LINGO2: variants seen among roughly 807,000 people sequenced by gnomAD.
The protein encoded by LINGO2 is leucine rich repeat and Ig domain containing 2.
In LINGO2, 14 loss-of-function variants were observed where a neutral mutation model predicts 30.6. The observed-to-expected ratio is 0.46, with a 90% CI of 0.30 to 0.72. LINGO2 has a LOEUF of 0.72. LINGO2 is among the 30% of genes least tolerant of loss of function. The probability of loss-of-function intolerance (pLI) is 0.07; values close to 1 mark genes in which losing one functional copy is unlikely to be tolerated. For synonymous variants in LINGO2, 317 were observed against 288.5 expected, an observed-to-expected ratio of 1.10 and a Z score of -1.00; for missense variants, 729 against 751.7, an observed-to-expected ratio of 0.97 and a Z score of 0.35.
At chr9:29,138,839 C>G in the LINGO2 span, among the ~76,000 whole-genome samples, 81 of 152,144 alleles carry the variant, frequency 5.3e-4, 1 homozygote, top group Admixed American at 5.2e-3. Flanking sequence ...TAGACAAGTT[C>G]TGTGGTAGAC....
chr9:28,945,327 C>A, the LINGO2 span, among the ~76,000 whole-genome samples: 3 of 152,036 alleles, frequency 2.0e-5, no homozygotes, highest in South Asian at 2.1e-4. Context: ...AAATCAGAAA[C>A]CCTATTATTA....
chr9:28,186,871 C>T (rs1396707154), intron 4 of LINGO2, among the ~76,000 whole-genome samples: 1 of 152,094 alleles, frequency 6.6e-6, no homozygotes, highest in African/African-American at 2.4e-5. Context: ...AGAGAAATAA[C>T]TGGGGACAAA....
At chr9:29,071,484 T>A in the LINGO2 span, among the ~76,000 whole-genome samples, 1 of 20,828 alleles carries the variant, frequency 4.8e-5, no homozygotes, top group Admixed American at 7.2e-4. Flanking sequence ...TAACTGGTCA[T>A]ATATATATAT....
chr9:28,847,996 T>TAC, the LINGO2 span, among the ~76,000 whole-genome samples: 2 of 106,216 alleles, frequency 1.9e-5, no homozygotes, highest in Admixed American at 9.9e-5. Context: ...TATGTATATG[T>TAC]ACATATATAC....
chr9:28,408,651 G>A (rs1025876722), intron 2 of LINGO2, among the ~76,000 whole-genome samples: 4 of 151,408 alleles, frequency 2.6e-5, no homozygotes, highest in African/African-American at 9.7e-5. Flanking sequence ...GATGGCATTA[G>A]GAGATATACC....
intron 2 of LINGO2, among the ~76,000 whole-genome samples, chr9:28,426,676 C>T (rs538765416): frequency 1.3e-5 from 2 of 152,176 alleles, no homozygotes; most frequent in Admixed American, 6.6e-5. Flanking sequence ...CTGAGGTGCA[C>T]ATGGCTTAAA....
At chr9:28,288,253 T>G (rs1823590282) in intron 4 of LINGO2, among the ~76,000 whole-genome samples, 1 of 152,144 alleles carries the variant, frequency 6.6e-6, no homozygotes, top group Admixed American at 6.5e-5. Context: ...TATCACAATT[T>G]CAAGCTTTCC....
chr9:28,794,472 G>C, the LINGO2 span, among the ~76,000 whole-genome samples: 1 of 152,162 alleles, frequency 6.6e-6, no homozygotes, highest in Admixed American at 6.5e-5. Flanking sequence ...GGTTTCCTGA[G>C]TTGAAGACAC....
chr9:28,475,489 G>A lies in LINGO2; in HGVS notation c.-279+451C>T, dbSNP rs557885944. ...AGGGTAATTATGACTATTAATTTTA[G>A]GTTGAGGTGAGGTTGAAATAATACA... is the stretch of plus-strand genomic sequence containing the variant. On this transcript the variant is annotated intron_variant, in intron 2 of 5. Transcript: ENST00000379992. 6.6e-5 allele frequency among the ~76,000 whole-genome samples: 10 copies of A among 152,160 alleles called. No homozygotes were observed. In the East Asian group the frequency reaches 7.7e-4, roughly 12 times the overall value.
intron 4 of LINGO2, among the ~76,000 whole-genome samples, chr9:28,246,566 C>T (rs932575572): frequency 3.3e-5 from 5 of 152,158 alleles, no homozygotes; most frequent in Non-Finnish European, 5.9e-5. Flanking sequence ...AAAATTGACA[C>T]TGGACCCCTT....
chr9:28,229,868 A>C (rs1488696099), intron 4 of LINGO2, among the ~76,000 whole-genome samples: 1 of 151,812 alleles, frequency 6.6e-6, no homozygotes, highest in Admixed American at 6.6e-5. Context: ...CATTTAGAAA[A>C]ATTGAATATG....
At chr9:29,196,585 A>C in the LINGO2 span, among the ~76,000 whole-genome samples, 1 of 152,168 alleles carries the variant, frequency 6.6e-6, no homozygotes, top group Admixed American at 6.5e-5. Context: ...ACCTTTCACC[A>C]GTGTTAAGTG....
chr9:28,697,195 C>T, the LINGO2 span, among the ~76,000 whole-genome samples: 1 of 151,862 alleles, frequency 6.6e-6, no homozygotes, highest in African/African-American at 2.4e-5. Flanking sequence ...CAATTTAAAA[C>T]CAGAGACCTT....
At chr9:28,674,374 C>A (rs1003343127), upstream of LINGO2, among the ~76,000 whole-genome samples, 1 of 152,026 alleles carries the variant, frequency 6.6e-6, no homozygotes, top group African/African-American at 2.4e-5. Flanking sequence ...ACGAAGGAAA[C>A]GATCTCCCTA....
chr9:28,376,128 C>A (rs73433376), intron 2 of LINGO2, among the ~76,000 whole-genome samples: 3,192 of 151,156 alleles, frequency 0.021, 78 homozygotes, highest in East Asian at 0.098. Context: ...GTGCAGCAGC[C>A]TAAAAATAAA....
chr9:28,103,779 G>T (rs1388597570), intron 4 of LINGO2, among the ~76,000 whole-genome samples: 1 of 152,172 alleles, frequency 6.6e-6, no homozygotes, highest in African/African-American at 2.4e-5. Flanking sequence ...GAGAATAAAT[G>T]TGACAAAACT....
chr9:29,156,886 A>T, the LINGO2 span, among the ~76,000 whole-genome samples: 1 of 152,054 alleles, frequency 6.6e-6, no homozygotes, highest in African/African-American at 2.4e-5. Context: ...CTAAATATTA[A>T]GCCCAAAATT....
At chr9:28,954,934 T>C in the LINGO2 span, among the ~76,000 whole-genome samples, 7 of 152,122 alleles carry the variant, frequency 4.6e-5, no homozygotes, top group African/African-American at 7.2e-5. Context: ...CTGCTCATAA[T>C]TGCTTACCCC....
chr9:28,624,045 A>C (rs1826538172), intron 1 of LINGO2, among the ~76,000 whole-genome samples: 1 of 152,152 alleles, frequency 6.6e-6, no homozygotes, highest in South Asian at 2.1e-4. Context: ...ACTTTCCTGA[A>C]TTTGTTTTCC....
Sources: gnomAD v4.1 joint callset for allele counts (sites outside exome capture counted in the v4.1 genomes callset) on GRCh38, gnomAD v4.1.1 for gene constraint, MANE v1.5 for transcripts, NCBI Gene and HGNC (gene_info 2026-07-23, HGNC 2026-07-21) for gene names.